Variants in CEP128 observed in about 807,000 individuals in gnomAD.
CEP128 encodes centrosomal protein 128kDa.
CEP128 carries 132 observed loss-of-function variants against 156.7 expected under a neutral mutation model. The observed-to-expected ratio is 0.84, with a 90% CI of 0.73 to 0.97. The LOEUF (loss-of-function observed/expected upper bound fraction) is 0.97, where lower values mean the gene tolerates loss of function less well. CEP128 is among the 50% of genes least tolerant of loss of function. CEP128 has a pLI of 0.00. For synonymous variants in CEP128, 469 were observed against 448.9 expected (o/e 1.04, Z -0.57); for missense variants, 1,252 against 1,281.9 (o/e 0.98, Z 0.36).
intron 2 of CEP128, chr14:80,955,997 T>G: frequency 1.0e-6 from 1 of 963,648 alleles, no homozygotes; most frequent in East Asian, 2.6e-5. Flanking sequence ...TGTGTAGATG[T>G]GTGTGTGTGC....
Position 80,801,966 on chromosome 14 carries a change from G to A in CEP128, c.1210-8856C>T, listed in dbSNP as rs553338141. On this transcript the variant is annotated intron_variant, in intron 13 of 24. Coordinates refer to ENST00000555265, the MANE Select transcript of CEP128 (RefSeq NM_152446.5). ...CAACATCACTGATCATGAGAGAAAT[G>A]CAAATCAAAACCACAATGAGATACC... is the stretch of plus-strand genomic sequence containing the variant. Among the ~76,000 whole-genome samples, 4 of 127,990 alleles carry A rather than the reference G, an allele frequency of 3.1e-5. No homozygotes were observed. In the South Asian group the frequency reaches 1.1e-3, roughly 34 times the overall value. The allele number at this position is 127,990 out of a possible 152,430, so 84.0% of individuals were successfully genotyped here. A position where few individuals can be genotyped will look rare whatever the true frequency, so the allele number is the denominator to read the frequency against.
At chr14:80,790,923 T>C (rs1402643184) in intron 14 of CEP128, among the ~76,000 whole-genome samples, 1 of 152,090 alleles carries the variant, frequency 6.6e-6, no homozygotes, top group Admixed American at 6.6e-5. Flanking sequence ...AGCCACAATA[T>C]GTTATATTTG....
chr14:80,665,292 T>G (rs747381520), intron 19 of CEP128, among the ~76,000 whole-genome samples: 13 of 152,096 alleles, frequency 8.5e-5, no homozygotes, highest in Non-Finnish European at 1.8e-4. Context: ...ACTACCAATA[T>G]GAGACCCCCT....
chr14:80,628,630 A>T (rs1893833175), intron 19 of CEP128, among the ~76,000 whole-genome samples: 1 of 152,198 alleles, frequency 6.6e-6, no homozygotes, highest in Non-Finnish European at 1.5e-5. Context: ...TATAGGGCTA[A>T]CTACGCTGTC....
intron 19 of CEP128, among the ~76,000 whole-genome samples, chr14:80,722,468 A>G (rs964541139): frequency 2.0e-5 from 3 of 152,002 alleles, no homozygotes; most frequent in Non-Finnish European, 4.4e-5. Flanking sequence ...ATATACACTA[A>G]CATATGTATA....
At chr14:80,750,474 C>A (rs1437389749) in intron 18 of CEP128, among the ~76,000 whole-genome samples, 2 of 152,120 alleles carry the variant, frequency 1.3e-5, no homozygotes, top group Non-Finnish European at 2.9e-5. Context: ...TCTGAGTTTT[C>A]AAATGTTTGC....
chr14:80,754,357 T>C (rs117809900), intron 18 of CEP128, among the ~76,000 whole-genome samples: 8,295 of 152,194 alleles, frequency 0.055, 229 homozygotes, highest in Non-Finnish European at 0.065. Context: ...GACATCAGCC[T>C]CCATGGCAGC....
intron 21 of CEP128, among the ~76,000 whole-genome samples, chr14:80,555,078 T>C (rs1024096733): frequency 3.3e-5 from 5 of 152,090 alleles, no homozygotes; most frequent in Admixed American, 6.5e-5. Flanking sequence ...AAAAATCAAG[T>C]CTAAACTGCT....
chr14:80,671,553 T>G (rs1361804773), intron 19 of CEP128, among the ~76,000 whole-genome samples: 1 of 152,218 alleles, frequency 6.6e-6, no homozygotes, highest in Non-Finnish European at 1.5e-5. Context: ...TAGACTCTTC[T>G]ATTCTTTATA....
intron 1 of CEP128, among the ~76,000 whole-genome samples, chr14:80,941,026 CTGGGAT>C (rs1469680923): frequency 2.0e-5 from 3 of 152,180 alleles, no homozygotes; most frequent in African/African-American, 7.2e-5. Context: ...AAAGATGCAG[CTGGGAT>C]TCAATGTCAG....
chr14:80,866,701 T>A (rs559825088), intron 8 of CEP128, among the ~76,000 whole-genome samples: 2 of 152,208 alleles, frequency 1.3e-5, no homozygotes, highest in African/African-American at 4.8e-5. Context: ...GCACAGAAAC[T>A]AAGGCCATAA....
intron 15 of CEP128, among the ~76,000 whole-genome samples, chr14:80,782,073 G>A (rs556888532): frequency 6.6e-6 from 1 of 152,272 alleles, no homozygotes; most frequent in Non-Finnish European, 1.5e-5. Context: ...TTGTCCTCAT[G>A]CAAAAACCCT....
At chr14:80,552,559 T>C (rs1890253600) in intron 21 of CEP128, among the ~76,000 whole-genome samples, 2 of 150,000 alleles carry the variant, frequency 1.3e-5, no homozygotes, top group Non-Finnish European at 3.0e-5. Flanking sequence ...GTTTTTTAAT[T>C]TTTTTTGGTG....
At chr14:80,761,128 AATAGCCTGCG>A (rs895433546) in intron 17 of CEP128, among the ~76,000 whole-genome samples, 18 of 152,094 alleles carry the variant, frequency 1.2e-4, no homozygotes, top group African/African-American at 4.3e-4. Flanking sequence ...CAACAACAAA[AATAGCCTGCG>A]ATAGTGAAAA....
chr14:80,533,795 T>C (rs917318360), intron 21 of CEP128, among the ~76,000 whole-genome samples: 16 of 152,208 alleles, frequency 1.1e-4, no homozygotes, highest in African/African-American at 3.9e-4. Context: ...TCAGAAACAC[T>C]TTCTGGTACA....
intron 21 of CEP128, among the ~76,000 whole-genome samples, chr14:80,542,629 A>G (rs1005685530): frequency 2.6e-5 from 4 of 152,182 alleles, no homozygotes; most frequent in African/African-American, 9.7e-5. Context: ...CATGTTTCCT[A>G]TGGATGAGTC....
intron 19 of CEP128, among the ~76,000 whole-genome samples, chr14:80,685,968 T>C (rs1357248908): frequency 1.3e-5 from 2 of 152,036 alleles, no homozygotes; most frequent in Non-Finnish European, 2.9e-5. Flanking sequence ...TCAAGATGTA[T>C]TGAATATTAA....
chr14:80,614,557 A>C (rs569948272), intron 19 of CEP128, among the ~76,000 whole-genome samples: 1 of 151,820 alleles, frequency 6.6e-6, no homozygotes, highest in African/African-American at 2.4e-5. Flanking sequence ...TCAGAATATA[A>C]TTTGCCTAAT....
intron 2 of CEP128, chr14:80,955,165 G>A (rs1886587913): frequency 9.3e-6 from 2 of 214,868 alleles, no homozygotes; most frequent in Non-Finnish European, 1.9e-5. Flanking sequence ...ACATTGGTCC[G>A]CCCGCGGACA....
Sources: allele counts gnomAD v4.1 joint callset (sites outside exome capture counted in the v4.1 genomes callset), GRCh38; gene constraint gnomAD v4.1.1; transcripts MANE v1.5; gene names NCBI Gene and HGNC (gene_info 2026-07-23, HGNC 2026-07-21).